The following GLIS3 variants were observed in gnomAD, a reference collection of about 807,000 sequenced individuals.
GLIS3 encodes zinc finger protein GLIS3.
A neutral mutation model predicts 78.6 loss-of-function variants in GLIS3; 53 were observed. That is an observed-to-expected ratio of 0.67 (90% CI 0.54 to 0.85). The LOEUF is 0.85. GLIS3 is among the 40% of genes least tolerant of loss of function. GLIS3 has a pLI of 0.00. For synonymous variants in GLIS3, 684 were observed against 509.9 expected (o/e 1.34, Z -4.60); for missense variants, 1,703 against 1,231.1 (o/e 1.38, Z -5.74).
chr9:4,122,937 T>G (rs1832296674), intron 3 of GLIS3, among the ~76,000 whole-genome samples: 1 of 152,178 alleles, frequency 6.6e-6, no homozygotes, highest in Non-Finnish European at 1.5e-5. Flanking sequence ...ATAGTTTGCA[T>G]TTATCATTAA....
chr9:4,466,893 C>T, the GLIS3 span, among the ~76,000 whole-genome samples: 2 of 152,176 alleles, frequency 1.3e-5, no homozygotes, highest in East Asian at 1.9e-4. Flanking sequence ...CAAGGGAAGC[C>T]GTGACAGATG....
intron 4 of GLIS3, among the ~76,000 whole-genome samples, chr9:4,029,449 G>A (rs982142712): frequency 1.3e-5 from 2 of 152,112 alleles, no homozygotes; most frequent in Admixed American, 6.6e-5. Context: ...TTTATCCTTC[G>A]AGTTACAAAT....
At chr9:3,911,014 C>T (rs2130681206) in intron 6 of GLIS3, among the ~76,000 whole-genome samples, 2 of 152,294 alleles carry the variant, frequency 1.3e-5, no homozygotes, top group South Asian at 4.1e-4. Context: ...TACAACAGAA[C>T]AAACATATCC....
In GLIS3 at chr9:4,292,029, G is replaced by A. The variant is rs1338700603; in HGVS notation, c.-98-5506C>T. ...TAGGGGTTTTCTTGGTCAGTTATAAGAAATCACACAAAATGAAAACGAACT... is the reference window on the plus strand; with the variant it reads ...TAGGGGTTTTCTTGGTCAGTTATAAAAAATCACACAAAATGAAAACGAACT... On this transcript the variant is annotated intron_variant, in intron 1 of 10. Coordinates refer to ENST00000381971, the MANE Select transcript of GLIS3 (RefSeq NM_001042413.2). 2.0e-5 allele frequency among the ~76,000 whole-genome samples: 3 copies of A among 152,088 alleles called. No individual in the cohort carries two copies. The East Asian group carries it at 5.8e-4, about 29-fold the overall frequency.
chr9:4,027,637 A>G (rs1022922396), intron 4 of GLIS3, among the ~76,000 whole-genome samples: 2 of 152,138 alleles, frequency 1.3e-5, no homozygotes, highest in Non-Finnish European at 2.9e-5. Flanking sequence ...CATAAATAAC[A>G]TGTACTGTGC....
chr9:4,478,951 A>C, the GLIS3 span, among the ~76,000 whole-genome samples: 7 of 152,346 alleles, frequency 4.6e-5, no homozygotes, highest in Admixed American at 1.3e-4. Context: ...ACTTATAGGA[A>C]ATATTGGGGA....
chr9:4,156,337 G>C (rs970914784), intron 2 of GLIS3, among the ~76,000 whole-genome samples: 1 of 151,940 alleles, frequency 6.6e-6, no homozygotes. Flanking sequence ...TTCCCTTACC[G>C]ATTAGCTGAT....
At chr9:4,302,702 A>G (rs948805255), upstream of GLIS3, among the ~76,000 whole-genome samples, 6 of 151,580 alleles carry the variant, frequency 4.0e-5, no homozygotes, top group African/African-American at 1.4e-4. Context: ...CCCAAGTTCA[A>G]TCAACATTAC....
chr9:4,232,540 G>C (rs1587070916), intron 2 of GLIS3, among the ~76,000 whole-genome samples: 2 of 152,094 alleles, frequency 1.3e-5, no homozygotes, highest in African/African-American at 4.8e-5. Flanking sequence ...GAATTTCAAA[G>C]TGTTATTGAA....
Position 4,086,116 on chromosome 9 carries a change from C to T in GLIS3, c.1710+31652G>A, listed in dbSNP as rs186054384. On this transcript the variant is annotated intron_variant, in intron 4 of 10. Coordinates refer to ENST00000381971, the MANE Select transcript of GLIS3 (RefSeq NM_001042413.2). The stretch of plus-strand genomic sequence containing the variant: ...AAATTCAATGTCTCTCACAATTTGA[C>T]CTCAACCACCAGATGTAACTACCAC... 2.5e-3 allele frequency among the ~76,000 whole-genome samples: 384 copies of T among 152,272 alleles called. 1 individual carries two copies. Among genetic ancestry groups the T allele is most frequent in the African/African-American group, 8.7e-3 (363 of 41,566 alleles).
At chr9:3,955,214 C>T (rs1330069812) in intron 4 of GLIS3, among the ~76,000 whole-genome samples, 2 of 152,166 alleles carry the variant, frequency 1.3e-5, no homozygotes, top group African/African-American at 4.8e-5. Context: ...ATGAGTCAGG[C>T]CTTCCTATCT....
At chr9:3,862,088 T>C (rs1446936109) in intron 8 of GLIS3, among the ~76,000 whole-genome samples, 1 of 152,126 alleles carries the variant, frequency 6.6e-6, no homozygotes, top group Non-Finnish European at 1.5e-5. Context: ...GTCCACAAAT[T>C]CATACAATTA....
At position 3,936,997 on chromosome 9, in the gene GLIS3, T is replaced by A. The variant is rs758523138; in HGVS notation, c.1872+31A>T. On this transcript the variant is annotated intron_variant, in intron 5 of 10. Coordinates refer to ENST00000381971, the MANE Select transcript of GLIS3 (RefSeq NM_001042413.2). ...GCACTTCCTCACACCAGGCGCTGGG[T>A]TGGAAACTGGAAAGCTCCTGCCATT... is the stretch of plus-strand genomic sequence containing the variant. The A allele has an allele frequency of 2.5e-6, 4 of 1,611,956 alleles. No individual in the cohort carries two copies. In the East Asian group the frequency reaches 6.7e-5, roughly 27 times the overall value.
chr9:4,255,695 C>T lies in GLIS3; in HGVS notation c.388+30343G>A, dbSNP rs577797745. Among the ~76,000 whole-genome samples, 10 of 152,042 alleles carry T rather than the reference C, an allele frequency of 6.6e-5. No homozygotes were observed. The South Asian group carries it at 2.1e-3, about 32-fold the overall frequency. On this transcript the variant is annotated intron_variant, in intron 2 of 10. Coordinates refer to ENST00000381971, the MANE Select transcript of GLIS3 (RefSeq NM_001042413.2). ...TAGAGAGTAAAAAGATCAGTGGTTG[C>T]CAAGAGCTAGGGGAAAGGGAGGGAT...
chr9:4,181,754 T>C (rs1159866800), intron 2 of GLIS3, among the ~76,000 whole-genome samples: 1 of 152,184 alleles, frequency 6.6e-6, no homozygotes, highest in Non-Finnish European at 1.5e-5. Flanking sequence ...CATTGGAGCT[T>C]ATTGCTGCTG....
At chr9:4,096,009 C>CAAAAAAAAAA (rs34499061) in intron 4 of GLIS3, among the ~76,000 whole-genome samples, 1 of 103,550 alleles carries the variant, frequency 9.7e-6, no homozygotes, top group African/African-American at 3.4e-5. Context: ...GTAACCTATA[C>CAAAAAAAAAA]AAAAAAAAAA....
intron 4 of GLIS3, among the ~76,000 whole-genome samples, chr9:3,944,809 T>A (rs1032433858): frequency 3.9e-5 from 6 of 152,242 alleles, no homozygotes; most frequent in African/African-American, 1.4e-4. Flanking sequence ...AAATAGACGT[T>A]TATTTAACTC....
At chr9:4,406,751 A>T in the GLIS3 span, among the ~76,000 whole-genome samples, 8 of 152,184 alleles carry the variant, frequency 5.3e-5, no homozygotes, top group African/African-American at 1.9e-4. Flanking sequence ...TACGTGAAAG[A>T]TCTCTTCAAT....
At chr9:4,282,014 A>G (rs1162837592) in intron 2 of GLIS3, among the ~76,000 whole-genome samples, 3 of 152,180 alleles carry the variant, frequency 2.0e-5, no homozygotes, top group Non-Finnish European at 4.4e-5. Context: ...GCAGAACTCA[A>G]TTTTTAAATA....
Sources: allele counts gnomAD v4.1 joint callset (sites outside exome capture counted in the v4.1 genomes callset), GRCh38; gene constraint gnomAD v4.1.1; transcripts MANE v1.5; gene names NCBI Gene and HGNC (gene_info 2026-07-23, HGNC 2026-07-21).